UGGT2: variants seen among roughly 807,000 people sequenced by gnomAD.
UGGT2 encodes the protein UDP-glucose glycoprotein glucosyltransferase 2, also known as UDP-glucose:glycoprotein glucosyltransferase 2.
Under a neutral mutation model 192.1 loss-of-function variants are expected in UGGT2, and 180 were observed. That is an observed-to-expected ratio of 0.94 (90% CI 0.83 to 1.06). UGGT2 has a LOEUF of 1.06. Ranked by LOEUF, UGGT2 falls within the 50% of genes least tolerant of loss-of-function variation. The probability of loss-of-function intolerance (pLI) is 0.00; values close to 1 mark genes in which losing one functional copy is unlikely to be tolerated. For missense variants in UGGT2, 1,849 were observed against 1,795.7 expected, an observed-to-expected ratio of 1.03 and a Z score of -0.54; for synonymous variants, 580 against 591.0, an observed-to-expected ratio of 0.98 and a Z score of 0.27.
chr13:96,052,949 G>C (rs963003612), intron 1 of UGGT2, among the ~76,000 whole-genome samples: 2 of 152,246 alleles, frequency 1.3e-5, no homozygotes, highest in African/African-American at 2.4e-5. Flanking sequence ...AGACTGAGGG[G>C]GAAAGGAACT....
At chr13:95,924,194 C>T (rs972025059) in intron 20 of UGGT2, among the ~76,000 whole-genome samples, 2 of 151,806 alleles carry the variant, frequency 1.3e-5, no homozygotes, top group Non-Finnish European at 2.9e-5. Flanking sequence ...AAGGAATAAA[C>T]AATTATTAAA....
chr13:95,940,051 A>G lies in UGGT2; in HGVS notation c.1718T>C (p.Val573Ala). 6.3e-7 allele frequency: 1 copy of G among 1,575,110 alleles called. No homozygotes were observed. Among genetic ancestry groups the G allele is most frequent in the Non-Finnish European group, 8.6e-7 (1 of 1,159,402 alleles). The change falls in exon 16 of 39, where the codon GTG becomes GCG. Residue 573 changes from valine to alanine, a missense_variant. Physicochemically the swap from Val to Ala is moderately conservative, Grantham distance 64. Coordinates refer to ENST00000376747, the MANE Select transcript of UGGT2 (RefSeq NM_020121.4). ...KVKKDQNILT[V>A]DNVKSVLQNT... ...TTGGAGAACACTCTTCACATTGTCC[A>G]CAGTGAGTATATTTTGATCCTTCTT...
At chr13:96,052,672 T>C (rs1018111028) in intron 1 of UGGT2, among the ~76,000 whole-genome samples, 1 of 152,168 alleles carries the variant, frequency 6.6e-6, no homozygotes, top group Non-Finnish European at 1.5e-5. Context: ...ACAAGTTTTG[T>C]TCTGCAGAGT....
intron 15 of UGGT2, among the ~76,000 whole-genome samples, chr13:95,940,347 C>G (rs1350098557): frequency 3.3e-5 from 5 of 151,240 alleles, no homozygotes; most frequent in Non-Finnish European, 5.9e-5. Context: ...CACCATTATT[C>G]TTAATAAAAT....
chr13:95,906,911 C>T (rs1390359425), intron 20 of UGGT2, among the ~76,000 whole-genome samples: 1 of 152,184 alleles, frequency 6.6e-6, no homozygotes, highest in Non-Finnish European at 1.5e-5. Flanking sequence ...GTACCTGGTT[C>T]ATCTCAATGG....
chr13:95,827,787 G>A lies in UGGT2; in HGVS notation c.4528+5140C>T, dbSNP rs557425043. 6.5e-4 allele frequency among the ~76,000 whole-genome samples: 99 copies of A among 152,240 alleles called. 2 individuals carry two copies. In the Middle Eastern group the frequency reaches 0.01, roughly 16 times the overall value. On this transcript the variant is annotated intron_variant, in intron 38 of 38. Transcript: ENST00000376747. ...TGAAAGTTACTTAGCACTAGATACT[G>A]ACCATTTGCATCCCCATTGTTCTTG... is the stretch of plus-strand genomic sequence containing the variant.
chr13:95,908,841 A>T (rs1594294561), intron 20 of UGGT2, among the ~76,000 whole-genome samples: 1 of 125,244 alleles, frequency 8.0e-6, no homozygotes, highest in African/African-American at 3.0e-5. Context: ...TAGATTCTGG[A>T]TATTAGCCCT....
chr13:95,972,099 G>A (rs1178666896), intron 11 of UGGT2, among the ~76,000 whole-genome samples: 1 of 150,382 alleles, frequency 6.6e-6, no homozygotes, highest in African/African-American at 2.4e-5. Flanking sequence ...TCCTAATTCT[G>A]TCCTGTTCAA....
chr13:95,966,574 T>C (rs1352272240), intron 12 of UGGT2, among the ~76,000 whole-genome samples: 1 of 152,146 alleles, frequency 6.6e-6, no homozygotes, highest in Non-Finnish European at 1.5e-5. Flanking sequence ...TCCCAACACA[T>C]AGAAATGATA....
intron 31 of UGGT2, chr13:95,863,297 T>C (rs923546774): frequency 2.0e-5 from 4 of 199,902 alleles, no homozygotes; most frequent in Admixed American, 1.1e-4. Flanking sequence ...TTTGTCTTCA[T>C]GTAATTGCCT....
intron 29 of UGGT2, among the ~76,000 whole-genome samples, chr13:95,876,497 G>T (rs920967604): frequency 6.6e-6 from 1 of 152,094 alleles, no homozygotes; most frequent in Admixed American, 6.6e-5. Flanking sequence ...CAGTCTTCTG[G>T]TACCAGCATT....
chr13:95,829,434 C>T (rs1271570457), intron 38 of UGGT2, among the ~76,000 whole-genome samples: 2 of 152,150 alleles, frequency 1.3e-5, no homozygotes, highest in Non-Finnish European at 2.9e-5. Context: ...TCGTCTCAAC[C>T]CCAAATCTCC....
intron 22 of UGGT2, among the ~76,000 whole-genome samples, chr13:95,899,956 G>A (rs1296171849): frequency 6.6e-6 from 1 of 152,066 alleles, no homozygotes; most frequent in Non-Finnish European, 1.5e-5. Flanking sequence ...GAAGATGATT[G>A]AGGGATATAT....
At position 95,927,179 on chromosome 13, in the gene UGGT2, T is replaced by G. The variant is rs372339171; in HGVS notation, c.2101+34A>C. ...TATAAATAAAGAATTCACAACTCAA[T>G]AAACATTTGTAGAACAGTATAGGAT... On this transcript the variant is annotated intron_variant, in intron 18 of 38. Coordinates refer to ENST00000376747, the MANE Select transcript of UGGT2 (RefSeq NM_020121.4). The G allele has an allele frequency of 2.5e-6, 4 of 1,607,826 alleles. No homozygotes were observed. In the African/African-American group the frequency reaches 4.0e-5, roughly 16 times the overall value.
At chr13:95,982,199 G>A (rs1437651544) in intron 10 of UGGT2, among the ~76,000 whole-genome samples, 1 of 152,186 alleles carries the variant, frequency 6.6e-6, no homozygotes, top group Non-Finnish European at 1.5e-5. Flanking sequence ...AATTATTTAG[G>A]CAGATAGTGA....
chr13:95,898,899 T>C (rs531756096), intron 22 of UGGT2, among the ~76,000 whole-genome samples: 2 of 152,310 alleles, frequency 1.3e-5, no homozygotes, highest in South Asian at 4.1e-4. Context: ...TGAGATTATA[T>C]AGTCTCAGGT....
At chr13:95,972,409 T>C (rs2050801422) in intron 11 of UGGT2, among the ~76,000 whole-genome samples, 171 bp downstream of exon 11, 1 of 152,250 alleles carries the variant, frequency 6.6e-6, no homozygotes, top group Non-Finnish European at 1.5e-5. Context: ...AGTTCTGATA[T>C]TCTAAGACAC....
At chr13:95,873,714 G>A (rs1180910399) in intron 29 of UGGT2, among the ~76,000 whole-genome samples, 1 of 152,154 alleles carries the variant, frequency 6.6e-6, no homozygotes, top group Non-Finnish European at 1.5e-5. Context: ...TTGTGGTGGT[G>A]TATTAAATTT....
In UGGT2 at chr13:95,995,764, T is replaced by A. The variant is rs1256632630; in HGVS notation, c.830+299A>T. On this transcript the variant is annotated intron_variant, in intron 7 of 38. Coordinates refer to ENST00000376747, the MANE Select transcript of UGGT2 (RefSeq NM_020121.4). ...AACAATATGTTGTGTATGCATTTATTTGATGCTATAAAAATATTCACAGAA... is the reference window on the plus strand; with the variant it reads ...AACAATATGTTGTGTATGCATTTATATGATGCTATAAAAATATTCACAGAA... 4 of 362,766 alleles carry A rather than the reference T, an allele frequency of 1.1e-5. No individual in the cohort carries two copies. In the Admixed American group the frequency reaches 1.9e-4, roughly 18 times the overall value. 22.5% of individuals were successfully genotyped at this position (362,766 alleles called of 1,614,324 possible).
Sources: gnomAD v4.1 joint callset for allele counts (sites outside exome capture counted in the v4.1 genomes callset) on GRCh38, gnomAD v4.1.1 for gene constraint, MANE v1.5 for transcripts, NCBI Gene and HGNC (gene_info 2026-07-23, HGNC 2026-07-21) for gene names.